The following AUH variants were observed in gnomAD, a reference collection of about 807,000 sequenced individuals.
The protein encoded by AUH is methylglutaconyl-CoA hydratase, mitochondrial.
In AUH, 29 loss-of-function variants were observed where a neutral mutation model predicts 42.3. The ratio of observed to expected loss-of-function variants is 0.69; its 90% CI spans 0.51 to 0.93. AUH has a LOEUF of 0.93. Ranked by LOEUF, AUH falls within the 40% of genes least tolerant of loss-of-function variation. AUH has a pLI of 0.00. For synonymous variants in AUH, 174 were observed against 166.4 expected, an observed-to-expected ratio of 1.05 and a Z score of -0.35; for missense variants, 452 against 438.1, an observed-to-expected ratio of 1.03 and a Z score of -0.28.
intron 4 of AUH, among the ~76,000 whole-genome samples, chr9:91,303,330 G>C (rs1010243362): frequency 6.6e-6 from 1 of 151,980 alleles, no homozygotes; most frequent in East Asian, 1.9e-4. Flanking sequence ...AGTGTCAGAC[G>C]CATGATTTTT....
intron 3 of AUH, among the ~76,000 whole-genome samples, chr9:91,339,297 C>T (rs1394712341): frequency 6.6e-6 from 1 of 152,194 alleles, no homozygotes; most frequent in Non-Finnish European, 1.5e-5. Flanking sequence ...TGAAAAATCG[C>T]TAAGTCAAAC....
intron 6 of AUH, among the ~76,000 whole-genome samples, chr9:91,230,134 T>C (rs1416708498): frequency 6.6e-6 from 1 of 151,616 alleles, no homozygotes; most frequent in Non-Finnish European, 1.5e-5. Flanking sequence ...TTCTCCTGGA[T>C]AATATCCTGC....
At chr9:91,361,582 G>C (rs371631302) in intron 1 of AUH, 46 bp downstream of exon 1, 9 of 1,553,060 alleles carry the variant, frequency 5.8e-6, no homozygotes, top group Non-Finnish European at 7.8e-6. Context: ...TCCTGAGAGC[G>C]AGCGGCCGCC....
intron 4 of AUH, among the ~76,000 whole-genome samples, chr9:91,304,986 T>A (rs919295525): frequency 6.6e-6 from 1 of 152,148 alleles, no homozygotes; most frequent in Non-Finnish European, 1.5e-5. Context: ...ATGGAAAAAT[T>A]TGGAAAATTT....
intron 6 of AUH, among the ~76,000 whole-genome samples, chr9:91,272,013 G>C (rs1825174817): frequency 6.6e-6 from 1 of 152,122 alleles, no homozygotes; most frequent in Non-Finnish European, 1.5e-5. Context: ...ATAATTCCAA[G>C]ACTTTTCTAT....
chr9:91,323,543 A>C (rs1456788858), intron 4 of AUH, among the ~76,000 whole-genome samples: 1 of 152,038 alleles, frequency 6.6e-6, no homozygotes, highest in Non-Finnish European at 1.5e-5. Context: ...GAATTGCTTG[A>C]ACCTGGGATG....
intron 6 of AUH, among the ~76,000 whole-genome samples, chr9:91,282,165 G>A (rs1826019461): frequency 6.6e-6 from 1 of 151,884 alleles, no homozygotes; most frequent in South Asian, 2.1e-4. Flanking sequence ...TCCCATCTAA[G>A]GCCTCTTTAC....
chr9:91,238,229 T>G lies in AUH; in HGVS notation c.656-17237A>C, dbSNP rs116219931. 3.0e-3 allele frequency among the ~76,000 whole-genome samples: 454 copies of G among 152,344 alleles called. 5 individuals are homozygous for G. Among genetic ancestry groups the G allele is most frequent in the African/African-American group, 0.01 (435 of 41,592 alleles). On this transcript the variant is annotated intron_variant, in intron 6 of 9. Coordinates refer to ENST00000375731, the MANE Select transcript of AUH (RefSeq NM_001698.3). Reference sequence around the variant, plus strand: ...CCTCAATGTTTCTCATTTGTCATTCTCAGGCTGCATCTTCTGTCCTTTCAG... The same window carrying G: ...CCTCAATGTTTCTCATTTGTCATTCGCAGGCTGCATCTTCTGTCCTTTCAG...
chr9:91,354,193 C>T (rs74587496), intron 3 of AUH, among the ~76,000 whole-genome samples: 1 of 151,734 alleles, frequency 6.6e-6, no homozygotes, highest in African/African-American at 2.4e-5. Flanking sequence ...GAAAGGAAAA[C>T]CTTTCGGAGA....
intron 6 of AUH, among the ~76,000 whole-genome samples, chr9:91,262,695 T>C (rs113308020): frequency 0.017 from 2,513 of 152,032 alleles, 76 homozygotes; most frequent in African/African-American, 0.058. Context: ...AGTCCCACAA[T>C]TGGAGTGGGG....
chr9:91,219,815 G>A (rs1314243422), intron 7 of AUH, among the ~76,000 whole-genome samples: 1 of 152,194 alleles, frequency 6.6e-6, no homozygotes, highest in African/African-American at 2.4e-5. Context: ...GAAACTGGAT[G>A]CAAGACTCTG....
chr9:91,219,676 T>C (rs1326366153), intron 7 of AUH, among the ~76,000 whole-genome samples: 2 of 152,158 alleles, frequency 1.3e-5, no homozygotes, highest in African/African-American at 2.4e-5. Flanking sequence ...CCTAAGTTAA[T>C]TAAGAAGGAC....
At position 91,242,034 on chromosome 9, in the gene AUH, G is replaced by A. The variant is rs1323149376; in HGVS notation, c.656-21042C>T. On this transcript the variant is annotated intron_variant, in intron 6 of 9. Transcript: ENST00000375731. ...GGGGTCAGGAATCCAGGAAGAGCTT[G>A]GCTGGCTCTCCTGCTTCCAGGCTCC... Among the ~76,000 whole-genome samples, 9 of 152,232 alleles carry A rather than the reference G, an allele frequency of 5.9e-5. No homozygotes were observed. In the East Asian group the frequency reaches 7.7e-4, roughly 13 times the overall value.
At chr9:91,222,993 C>A (rs904997829) in intron 6 of AUH, among the ~76,000 whole-genome samples, 1 of 152,136 alleles carries the variant, frequency 6.6e-6, no homozygotes, top group Non-Finnish European at 1.5e-5. Flanking sequence ...AGGATTTTTG[C>A]AGAAACTTAA....
chr9:91,285,010 C>T (rs1008150335), intron 6 of AUH, among the ~76,000 whole-genome samples: 5 of 152,248 alleles, frequency 3.3e-5, no homozygotes, highest in South Asian at 4.1e-4. Context: ...CACATGCACA[C>T]GTATGTTTAT....
chr9:91,291,293 T>C (rs1826860176), intron 6 of AUH, among the ~76,000 whole-genome samples: 1 of 151,750 alleles, frequency 6.6e-6, no homozygotes. Flanking sequence ...CAGGCTGACA[T>C]CTCTTGGTGT....
intron 6 of AUH, among the ~76,000 whole-genome samples, chr9:91,237,702 T>C (rs1828271499): frequency 6.6e-6 from 1 of 152,218 alleles, no homozygotes. Context: ...AGGACTTAGT[T>C]AGATTGGCTG....
chr9:91,252,977 T>C (rs927399954), intron 6 of AUH, among the ~76,000 whole-genome samples: 3 of 152,228 alleles, frequency 2.0e-5, no homozygotes, highest in Non-Finnish European at 4.4e-5. Flanking sequence ...ATCCAACATA[T>C]GGTTTAAAAT....
chr9:91,267,088 C>T (rs539516350), intron 6 of AUH, among the ~76,000 whole-genome samples: 5 of 152,256 alleles, frequency 3.3e-5, no homozygotes, highest in African/African-American at 1.2e-4. Flanking sequence ...GCTTAGCCTA[C>T]AGATGCATCA....
Sources: gnomAD v4.1 joint callset for allele counts (sites outside exome capture counted in the v4.1 genomes callset) on GRCh38, gnomAD v4.1.1 for gene constraint, MANE v1.5 for transcripts, NCBI Gene and HGNC (gene_info 2026-07-23, HGNC 2026-07-21) for gene names.